Variants in PDXDC1 observed in about 807,000 individuals in gnomAD.
PDXDC1 encodes the protein pyridoxal dependent decarboxylase domain containing 1.
In PDXDC1, 42 loss-of-function variants were observed where a neutral mutation model predicts 100.1. The observed-to-expected ratio is 0.42, with a 90% CI of 0.33 to 0.54. The LOEUF (loss-of-function observed/expected upper bound fraction) is 0.54. Among genes scored for constraint, PDXDC1 ranks in the 20% least tolerant of loss-of-function variants. The pLI, the probability that PDXDC1 is intolerant of heterozygous loss-of-function variation, is 0.10. For missense variants in PDXDC1, 636 were observed against 979.2 expected (o/e 0.65, Z 4.68); for synonymous variants, 260 against 371.7 (o/e 0.70, Z 3.46).
chr16:15,086,269 G>A, intron 16 of PDXDC1: 1 of 1,557,966 alleles, frequency 6.4e-7, no homozygotes, highest in African/African-American at 1.4e-5. Flanking sequence ...CTAGAGTGGG[G>A]GAAGAAAGAT....
In PDXDC1 at chr16:15,036,210, C is replaced by T. The variant is rs747318867; in HGVS notation, c.2302C>T (p.Gln768Ter). ...PQHTDQTEAF[Q>*]KGVPHPEDDH... ...GCACACCGACCAGACCGAGGCCTTCCAGAAAGGGGTCCCACACCCAGAAGA... is the reference window on the plus strand; with the variant it reads ...GCACACCGACCAGACCGAGGCCTTCTAGAAAGGGGTCCCACACCCAGAAGA... Residue 768 changes from glutamine to a stop codon, truncating the protein, a stop_gained, in exon 23 of 23, where the codon CAG becomes TAG. Coordinates refer to ENST00000396410, the MANE Select transcript of PDXDC1 (RefSeq NM_015027.4). LOFTEE classifies it high-confidence loss of function. 6.2e-7 allele frequency: 1 copy of T among 1,614,086 alleles called. No individual in the cohort carries two copies. The highest frequency in any genetic ancestry group is 2.2e-5 in the East Asian group (1 of 44,878).
intron 3 of PDXDC1, among the ~76,000 whole-genome samples, chr16:15,000,781 G>A (rs920600273): frequency 1.3e-5 from 2 of 152,034 alleles, no homozygotes; most frequent in East Asian, 3.9e-4. Context: ...TGCATTGTTA[G>A]AGGCTGTTAG....
intron 16 of PDXDC1, chr16:15,130,567 C>A: frequency 3.6e-6 from 5 of 1,384,518 alleles, no homozygotes; most frequent in Non-Finnish European, 5.1e-6. Flanking sequence ...CCCACAGGGC[C>A]TGTAACCCGG....
chr16:14,993,189 C>T (rs1161102425), intron 1 of PDXDC1, among the ~76,000 whole-genome samples: 1 of 152,152 alleles, frequency 6.6e-6, no homozygotes, highest in African/African-American at 2.4e-5. Flanking sequence ...GTGTGCACAA[C>T]ATGCAGGTTT....
chr16:15,046,684 AC>A (rs1350706550), intron 16 of PDXDC1, among the ~76,000 whole-genome samples: 1 of 134,770 alleles, frequency 7.4e-6, no homozygotes, highest in East Asian at 2.2e-4. Flanking sequence ...ACTTGGCAAA[AC>A]CCTGTCTCTA....
downstream of PDXDC1, among the ~76,000 whole-genome samples, chr16:15,141,307 C>G (rs1171623270): frequency 6.6e-6 from 1 of 152,250 alleles, no homozygotes; most frequent in Non-Finnish European, 1.5e-5. Context: ...AGAAGGGGAC[C>G]AGAGGCCACC....
chr16:15,033,129 C>G, intron 18 of PDXDC1, 149 bp from the exon 19 acceptor site: 1 of 1,012,976 alleles, frequency 9.9e-7, no homozygotes, highest in Non-Finnish European at 1.5e-6. Flanking sequence ...TCCCCTTCTG[C>G]AGCCTTGCCA....
intron 16 of PDXDC1, among the ~76,000 whole-genome samples, chr16:15,052,250 G>A (rs1177689035): frequency 6.6e-6 from 1 of 152,124 alleles, no homozygotes; most frequent in Non-Finnish European, 1.5e-5. Context: ...TTATTTATAG[G>A]TGACACCGAA....
rs1051052714 is a variant in PDXDC1, at chr16:15,036,822, G to C, written c.*547G>C. 3.8e-5 allele frequency: 6 copies of C among 159,028 alleles called. No individual in the cohort carries two copies. Among genetic ancestry groups the C allele is most frequent in the Non-Finnish European group, 7.0e-5 (5 of 71,798 alleles). 9.9% of individuals were successfully genotyped at this position (159,028 alleles called of 1,614,324 possible). ...AAGCCCTCCCCAGCTACTGCTCTTC[G>C]TGGAGACTTAGTAAGGACTGTGTCT... is the stretch of plus-strand genomic sequence containing the variant. On this transcript the variant is annotated 3_prime_UTR_variant, in exon 23 of 23. Coordinates refer to ENST00000396410, the MANE Select transcript of PDXDC1 (RefSeq NM_015027.4).
chr16:15,086,398 T>G (rs1300453923), intron 16 of PDXDC1: 1 of 1,613,692 alleles, frequency 6.2e-7, no homozygotes, highest in Non-Finnish European at 8.5e-7. Flanking sequence ...CAAAGTCTTT[T>G]GTCAAGTACA....
chr16:15,078,971 C>T (rs1052318202), intron 16 of PDXDC1, among the ~76,000 whole-genome samples: 1 of 151,984 alleles, frequency 6.6e-6, no homozygotes, highest in East Asian at 1.9e-4. Context: ...ACCACCATAC[C>T]CGGCCAATTT....
At position 15,061,653 on chromosome 16, in the gene PDXDC1, C is replaced by T. The variant is rs889404926; in HGVS notation, c.1399+31597C>T. ...GCAGGCACTCGCTCTAGTTCAATGCCATCAATGCCCAATGGCACAAGCTGG... is the reference window on the plus strand; with the variant it reads ...GCAGGCACTCGCTCTAGTTCAATGCTATCAATGCCCAATGGCACAAGCTGG... On this transcript the variant is annotated intron_variant, in intron 16 of 16. Coordinates refer to the PDXDC1 transcript ENST00000535621. 4 of 1,280,384 alleles carry T rather than the reference C, an allele frequency of 3.1e-6. No individual in the cohort carries two copies. The African/African-American group carries it at 5.9e-5, about 19-fold the overall frequency. 79.3% of individuals were successfully genotyped at this position (1,280,384 alleles called of 1,614,324 possible). A position where few individuals can be genotyped will look rare whatever the true frequency, so the allele number is the denominator to read the frequency against.
intron 1 of PDXDC1, among the ~76,000 whole-genome samples, chr16:14,986,122 A>T (rs1270290720): frequency 2.6e-5 from 4 of 152,288 alleles, no homozygotes; most frequent in Non-Finnish European, 4.4e-5. Flanking sequence ...GTTTGTAAAA[A>T]ATGCTCACGA....
At chr16:15,148,691 C>T in the PDXDC1 span, among the ~76,000 whole-genome samples, 5 of 151,696 alleles carry the variant, frequency 3.3e-5, no homozygotes, top group African/African-American at 4.8e-5. Flanking sequence ...CATGTTTAAA[C>T]GGGGTCCCTG....
intron 1 of PDXDC1, chr16:14,990,161 C>T (rs1399529036): frequency 2.4e-5 from 33 of 1,367,386 alleles, no homozygotes; most frequent in East Asian, 1.1e-4. Flanking sequence ...GTAGCCACAT[C>T]GGGCCGCCAG....
intron 1 of PDXDC1, among the ~76,000 whole-genome samples, chr16:14,995,553 T>C (rs575453833): frequency 6.6e-6 from 1 of 152,414 alleles, no homozygotes; most frequent in African/African-American, 2.4e-5. Context: ...CAGTGTTTTA[T>C]TGAGGATTTT....
At chr16:15,005,967 C>A (rs58015203) in intron 5 of PDXDC1, among the ~76,000 whole-genome samples, 4 of 152,382 alleles carry the variant, frequency 2.6e-5, no homozygotes, top group African/African-American at 9.6e-5. Context: ...AGATTACAGG[C>A]GTGAGCCACC....
intron 16 of PDXDC1, chr16:15,133,604 C>A: frequency 8.4e-7 from 1 of 1,183,534 alleles, no homozygotes; most frequent in Non-Finnish European, 1.3e-6. Flanking sequence ...GGAGAGGCTG[C>A]CCTTGTAGAC....
chr16:15,124,641 G>A (rs1598190137), intron 16 of PDXDC1, among the ~76,000 whole-genome samples: 1 of 150,604 alleles, frequency 6.6e-6, no homozygotes. Flanking sequence ...GTGCGGTGGT[G>A]GGCGCCTGTA....
Sources: gnomAD v4.1 joint callset for allele counts (sites outside exome capture counted in the v4.1 genomes callset) on GRCh38, gnomAD v4.1.1 for gene constraint, MANE v1.5 for transcripts, NCBI Gene and HGNC (gene_info 2026-07-23, HGNC 2026-07-21) for gene names.